Variants in TBC1D4 observed in about 807,000 individuals in gnomAD.
TBC1D4 encodes TBC1 domain family member 4.
Under a neutral mutation model 142.5 loss-of-function variants are expected in TBC1D4, and 121 were observed. That is an observed-to-expected ratio of 0.85 (90% confidence interval 0.73 to 0.99). TBC1D4 has a LOEUF of 0.99. TBC1D4 is among the 50% of genes least tolerant of loss of function. The probability of loss-of-function intolerance (pLI) is 0.00; values close to 1 mark genes in which losing one functional copy is unlikely to be tolerated. For synonymous variants in TBC1D4, 630 were observed against 628.2 expected (o/e 1.00, Z -0.04); for missense variants, 1,475 against 1,606.6 (o/e 0.92, Z 1.40).
chr13:75,337,080 C>G (rs751884857), intron 7 of TBC1D4, 40 bp from the exon 8 acceptor site: 2 of 1,586,434 alleles, frequency 1.3e-6, no homozygotes, highest in Non-Finnish European at 1.7e-6. Context: ...TTTGGAAATA[C>G]TCAAGGTTAA....
chr13:75,387,512 G>T (rs1376405023), intron 1 of TBC1D4, among the ~76,000 whole-genome samples: 1 of 152,104 alleles, frequency 6.6e-6, no homozygotes, highest in African/African-American at 2.4e-5. Flanking sequence ...CTGATCTTTG[G>T]GGAAATATTG....
chr13:75,304,927 G>A (rs996412101), intron 15 of TBC1D4, among the ~76,000 whole-genome samples: 3 of 152,144 alleles, frequency 2.0e-5, no homozygotes, highest in African/African-American at 7.2e-5. Context: ...GATCAGAAAG[G>A]AGGAAGTAGA....
Position 75,299,664 on chromosome 13 carries a change from A to T in TBC1D4, c.2912-90T>A, listed in dbSNP as rs1876319013. ...TTGCAATTCAGTGACCTCCAAGAAT[A>T]AACAGACACTCTTTCCCAAACCAGT... is the stretch of plus-strand genomic sequence containing the variant. On this transcript the variant is annotated intron_variant, in intron 16 of 20. Transcript: ENST00000377636. 2.0e-6 allele frequency: 3 copies of T among 1,472,592 alleles called. No homozygotes were observed. In the African/African-American group the frequency reaches 4.1e-5, roughly 20 times the overall value. 91.2% of individuals were successfully genotyped at this position (1,472,592 alleles called of 1,614,324 possible).
At chr13:75,423,265 T>TC (rs144547581) in intron 1 of TBC1D4, among the ~76,000 whole-genome samples, 57 of 152,134 alleles carry the variant, frequency 3.7e-4, no homozygotes, top group Non-Finnish European at 7.4e-4. Flanking sequence ...GTTTTTTTTT[T>TC]CTCTGTTTAA....
intron 1 of TBC1D4, among the ~76,000 whole-genome samples, chr13:75,427,965 G>A (rs1195668957): frequency 6.6e-6 from 1 of 152,112 alleles, no homozygotes. Context: ...ATCAACAGGA[G>A]GAAGGGCCAA....
intron 16 of TBC1D4, 70 bp from the exon 17 acceptor site, chr13:75,299,644 A>G (rs1362886953): frequency 1.9e-6 from 3 of 1,577,382 alleles, no homozygotes; most frequent in African/African-American, 2.7e-5. Context: ...TGAAATTGCA[A>G]TTCAGTGACC....
chr13:75,467,165 C>T (rs1382528309), intron 1 of TBC1D4, among the ~76,000 whole-genome samples: 1 of 152,168 alleles, frequency 6.6e-6, no homozygotes, highest in Non-Finnish European at 1.5e-5. Flanking sequence ...TACATTACAG[C>T]TTGTCCCTTT....
chr13:75,405,587 G>A (rs762094051), intron 1 of TBC1D4, among the ~76,000 whole-genome samples: 1 of 152,118 alleles, frequency 6.6e-6, no homozygotes, highest in Non-Finnish European at 1.5e-5. Flanking sequence ...AATTTTTAAA[G>A]TCTAGGGTAT....
At chr13:75,473,146 C>T (rs1281684325) in intron 1 of TBC1D4, among the ~76,000 whole-genome samples, 1 of 152,036 alleles carries the variant, frequency 6.6e-6, no homozygotes, top group African/African-American at 2.4e-5. Flanking sequence ...TACAGGCATG[C>T]ACCACCACAC....
chr13:75,466,350 T>A (rs2138304521), intron 1 of TBC1D4, among the ~76,000 whole-genome samples: 1 of 152,130 alleles, frequency 6.6e-6, no homozygotes, highest in East Asian at 1.9e-4. Flanking sequence ...ATTTACTCCA[T>A]CCGCACTAGA....
chr13:75,302,107 A>G, intron 16 of TBC1D4, 136 bp downstream of exon 16: 1 of 1,057,526 alleles, frequency 9.5e-7, no homozygotes, highest in South Asian at 1.4e-5. Context: ...TGCCCTCAGT[A>G]AAGGACAAAG....
At chr13:75,434,565 G>T (rs1886717881) in intron 1 of TBC1D4, among the ~76,000 whole-genome samples, 1 of 152,006 alleles carries the variant, frequency 6.6e-6, no homozygotes, top group Non-Finnish European at 1.5e-5. Context: ...CCTGGGTGAT[G>T]AAATAATATG....
intron 16 of TBC1D4, among the ~76,000 whole-genome samples, chr13:75,300,846 C>A (rs562294208): frequency 6.6e-6 from 1 of 152,226 alleles, no homozygotes; most frequent in South Asian, 2.1e-4. Context: ...ATAGGGATTG[C>A]CTTGTTCAAT....
rs939677165 is a variant in TBC1D4, at chr13:75,286,549, T to C, written c.*243A>G. ...TCATTTTATCTGAAAGCATGAACTA[T>C]GTTCATTTTATATATATATTTATAT... On this transcript the variant is annotated 3_prime_UTR_variant, in exon 21 of 21. Transcript: ENST00000377636. 4.9e-6 allele frequency: 2 copies of C among 405,260 alleles called. No homozygotes were observed. The highest frequency in any genetic ancestry group is 7.9e-5 in the Admixed American group (2 of 25,318). The allele number at this position is 405,260 out of a possible 1,614,324, so 25.1% of individuals were successfully genotyped here.
chr13:75,305,988 G>C (rs550969158), intron 15 of TBC1D4, among the ~76,000 whole-genome samples: 1 of 152,188 alleles, frequency 6.6e-6, no homozygotes, highest in South Asian at 2.1e-4. Flanking sequence ...ATATGTAAAT[G>C]AATACTTCTG....
chr13:75,308,974 T>C (rs2137923314), intron 14 of TBC1D4, among the ~76,000 whole-genome samples: 1 of 152,224 alleles, frequency 6.6e-6, no homozygotes, highest in South Asian at 2.1e-4. Flanking sequence ...AATCTTAAGG[T>C]AGATGATAAA....
chr13:75,416,687 G>A (rs532737897), intron 1 of TBC1D4, among the ~76,000 whole-genome samples: 8 of 152,316 alleles, frequency 5.3e-5, no homozygotes, highest in South Asian at 2.1e-4. Context: ...GACAGTCACC[G>A]TGGTTAGGTG....
chr13:75,453,013 C>A (rs1277311671), intron 1 of TBC1D4, among the ~76,000 whole-genome samples: 1 of 152,078 alleles, frequency 6.6e-6, no homozygotes, highest in Non-Finnish European at 1.5e-5. Flanking sequence ...AGGTTTTAGT[C>A]TTTTCTGCCA....
chr13:75,441,444 C>T (rs936390604), intron 1 of TBC1D4, among the ~76,000 whole-genome samples: 3 of 152,100 alleles, frequency 2.0e-5, no homozygotes, highest in African/African-American at 7.2e-5. Flanking sequence ...TATGTGTATA[C>T]TTTTTGAATA....
Sources: gnomAD v4.1 joint callset for allele counts (sites outside exome capture counted in the v4.1 genomes callset) on GRCh38, gnomAD v4.1.1 for gene constraint, MANE v1.5 for transcripts, NCBI Gene and HGNC (gene_info 2026-07-23, HGNC 2026-07-21) for gene names.